RPA3: variants seen among roughly 807,000 people sequenced by gnomAD.
RPA3 encodes the protein replication protein A3.
In RPA3, 24 loss-of-function variants were observed where a neutral mutation model predicts 13.7. The observed-to-expected ratio is 1.75, with a 90% CI of 1.27 to 2.46. The LOEUF (loss-of-function observed/expected upper bound fraction) is 2.46. Ranked by LOEUF, RPA3 falls within the 30% of genes most tolerant of loss-of-function variation. The probability of loss-of-function intolerance (pLI) is 0.00; values close to 1 mark genes in which losing one functional copy is unlikely to be tolerated. For missense variants in RPA3, 183 were observed against 151.0 expected (o/e 1.21, Z -1.11); for synonymous variants, 59 against 51.2 (o/e 1.15, Z -0.65).
chr7:7,683,805 T>A (rs1043441522), intron 4 of RPA3, among the ~76,000 whole-genome samples: 6 of 152,164 alleles, frequency 3.9e-5, no homozygotes, highest in Non-Finnish European at 8.8e-5. Flanking sequence ...GTATTTTGGA[T>A]AGAGACAGGG....
chr7:7,659,664 G>A (rs1785427251), intron 4 of RPA3, among the ~76,000 whole-genome samples: 1 of 152,232 alleles, frequency 6.6e-6, no homozygotes, highest in Non-Finnish European at 1.5e-5. Flanking sequence ...ACTGTGGTCT[G>A]AGAGACTGTT....
At chr7:7,666,539 A>T in intron 4 of RPA3, among the ~76,000 whole-genome samples, 1 of 152,140 alleles carries the variant, frequency 6.6e-6, no homozygotes, top group East Asian at 1.9e-4. Flanking sequence ...AAATATTTTA[A>T]TAGGTATATA....
chr7:7,694,607 T>C (rs1780263453), intron 2 of RPA3, among the ~76,000 whole-genome samples: 1 of 152,146 alleles, frequency 6.6e-6, no homozygotes, highest in Non-Finnish European at 1.5e-5. Flanking sequence ...ATTTTAATTT[T>C]TAGTTCCCAC....
intron 4 of RPA3, among the ~76,000 whole-genome samples, chr7:7,663,512 A>G (rs62434910): frequency 0.18 from 27,366 of 152,124 alleles, 2,666 homozygotes; most frequent in Middle Eastern, 0.24. Context: ...TGGGACGGAA[A>G]AACAGGGGGA....
intron 2 of RPA3, among the ~76,000 whole-genome samples, chr7:7,705,634 C>T (rs992023946): frequency 3.3e-5 from 5 of 152,044 alleles, no homozygotes; most frequent in African/African-American, 1.2e-4. Context: ...ATGAAACAGT[C>T]GAACTTATTT....
At chr7:7,644,925 T>C (rs879720173) in intron 4 of RPA3, among the ~76,000 whole-genome samples, 19 of 152,356 alleles carry the variant, frequency 1.2e-4, no homozygotes, top group Non-Finnish European at 2.4e-4. Context: ...CACCTGAATG[T>C]CAACTCTTAC....
chr7:7,696,179 T>A (rs1467116160), intron 2 of RPA3, among the ~76,000 whole-genome samples: 2 of 151,758 alleles, frequency 1.3e-5, no homozygotes, highest in African/African-American at 2.4e-5. Flanking sequence ...CTAATTTTTT[T>A]ATTTTTTGTA....
rs558455310 is a variant in RPA3, at chr7:7,641,704, C to G, written c.-757-529G>C. 21 of 152,132 alleles carry G rather than the reference C, an allele frequency of 1.4e-4. 1 individual carries two copies. Among genetic ancestry groups the G allele is most frequent in the Non-Finnish European group, 4.4e-5 (3 of 68,032 alleles). The allele number at this position is 152,132 out of a possible 1,614,324, so 9.4% of individuals were successfully genotyped here. On this transcript the variant is annotated intron_variant, in intron 4 of 7. Coordinates refer to ENST00000223129, the MANE Select transcript of RPA3 (RefSeq NM_002947.5). ...GAGTGCACATAAAAATACCTTCAAACGGTACGGTGGAAATTGGACAGAAGT... is the reference window on the plus strand; with the variant it reads ...GAGTGCACATAAAAATACCTTCAAAGGGTACGGTGGAAATTGGACAGAAGT...
intron 6 of RPA3, 97 bp from the exon 7 acceptor site, chr7:7,638,069 A>C (rs1221856891): frequency 1.4e-6 from 1 of 719,476 alleles, no homozygotes; most frequent in African/African-American, 1.8e-5. Flanking sequence ...CTATCACTTC[A>C]AGTAACAAAG....
At chr7:7,709,456 G>T (rs1372461639) in intron 2 of RPA3, among the ~76,000 whole-genome samples, 4 of 152,216 alleles carry the variant, frequency 2.6e-5, no homozygotes, top group Non-Finnish European at 5.9e-5. Context: ...CACCCGAGGA[G>T]GGCAGAATGC....
intron 4 of RPA3, among the ~76,000 whole-genome samples, chr7:7,650,091 C>T (rs772266534): frequency 1.3e-5 from 2 of 152,164 alleles, no homozygotes; most frequent in African/African-American, 2.4e-5. Flanking sequence ...ATCTTGAAGT[C>T]GAAAGTTACT....
Position 7,648,769 on chromosome 7 carries a change from CTT to C in RPA3, c.-757-7596_-757-7595del, listed in dbSNP as rs529755287. Among the ~76,000 whole-genome samples the C allele has an allele frequency of 4.6e-5, 7 of 152,000 alleles. No homozygotes were observed. The South Asian group carries it at 1.5e-3, about 32-fold the overall frequency. ...TTGGGAGGCTGAGGTGGGAGGATGG[CTT>C]GAGTTCAGGAGGTGGAGGTTGCAGT... On this transcript the variant is annotated intron_variant, in intron 4 of 7. Transcript: ENST00000223129.
At chr7:7,640,115 G>T in intron 5 of RPA3, 1 of 592,082 alleles carries the variant, frequency 1.7e-6, no homozygotes, top group Non-Finnish European at 3.0e-6. Context: ...CTCAGCATTT[G>T]AAAACACTTT....
intron 4 of RPA3, among the ~76,000 whole-genome samples, chr7:7,657,790 T>C (rs1037297376): frequency 6.6e-6 from 1 of 152,242 alleles, no homozygotes; most frequent in African/African-American, 2.4e-5. Flanking sequence ...ATCTTGGCTA[T>C]GTGGGCTCTA....
At chr7:7,699,042 G>A (rs1780388595) in intron 2 of RPA3, among the ~76,000 whole-genome samples, 1 of 123,448 alleles carries the variant, frequency 8.1e-6, no homozygotes, top group South Asian at 2.6e-4. Context: ...GTTTGTGTGT[G>A]TGTGTGTGGG....
At chr7:7,672,536 T>A (rs944630661) in intron 4 of RPA3, among the ~76,000 whole-genome samples, 2 of 152,210 alleles carry the variant, frequency 1.3e-5, no homozygotes, top group African/African-American at 4.8e-5. Flanking sequence ...AATGCCCATG[T>A]GTCGAGGGCA....
At chr7:7,664,224 A>T (rs2108000) in intron 4 of RPA3, among the ~76,000 whole-genome samples, 11 of 151,948 alleles carry the variant, frequency 7.2e-5, no homozygotes, top group Admixed American at 2.6e-4. Context: ...TTTCTTATTC[A>T]TAATACCACT....
At chr7:7,669,451 G>C (rs531720047) in intron 4 of RPA3, among the ~76,000 whole-genome samples, 1 of 152,186 alleles carries the variant, frequency 6.6e-6, no homozygotes, top group Non-Finnish European at 1.5e-5. Flanking sequence ...TTATACCACT[G>C]TGTGTTTTTG....
Position 7,636,893 on chromosome 7 carries a change from G to A in RPA3, c.*107C>T, listed in dbSNP as rs2115536748. 1 of 843,938 alleles carries A rather than the reference G, an allele frequency of 1.2e-6. No homozygotes were observed. The highest frequency in any genetic ancestry group is 2.0e-6 in the Non-Finnish European group (1 of 510,948). The allele number at this position is 843,938 out of a possible 1,614,324, so 52.3% of individuals were successfully genotyped here. On this transcript the variant is annotated 3_prime_UTR_variant, in exon 8 of 8. Transcript: ENST00000223129. ...TCTAGGTTGGAATATCTTAAAAACA[G>A]CAAATTAAATATGAGAAAGCACAGA...
Sources: allele counts gnomAD v4.1 joint callset (sites outside exome capture counted in the v4.1 genomes callset), GRCh38; gene constraint gnomAD v4.1.1; transcripts MANE v1.5; gene names NCBI Gene and HGNC (gene_info 2026-07-23, HGNC 2026-07-21).